Variants in ABLIM1 observed in about 807,000 individuals in gnomAD.
ABLIM1 encodes the protein actin binding LIM protein 1.
Under a neutral mutation model 107.0 loss-of-function variants are expected in ABLIM1, and 40 were observed. That is an observed-to-expected ratio of 0.37 (90% CI 0.29 to 0.49). ABLIM1 has a LOEUF of 0.49. ABLIM1 is among the 20% of genes least tolerant of loss of function. The probability of loss-of-function intolerance (pLI) is 0.97; values close to 1 mark genes in which losing one functional copy is unlikely to be tolerated. For synonymous variants in ABLIM1, 357 were observed against 357.3 expected (o/e 1.00, Z 0.01); for missense variants, 857 against 1,008.5 (o/e 0.85, Z 2.04).
At chr10:114,660,847 A>G (rs2079762337), upstream of ABLIM1, among the ~76,000 whole-genome samples, 2 of 152,226 alleles carry the variant, frequency 1.3e-5, no homozygotes, top group South Asian at 4.1e-4. Context: ...TTGGACAGAA[A>G]AGAGACTATT....
chr10:114,527,597 G>T (rs2064963083), intron 6 of ABLIM1, among the ~76,000 whole-genome samples: 1 of 152,010 alleles, frequency 6.6e-6, no homozygotes, highest in South Asian at 2.1e-4. Context: ...TCCAGTGATG[G>T]CACAGCCCTT....
At chr10:114,657,470 C>T (rs1210396567) in intron 1 of ABLIM1, among the ~76,000 whole-genome samples, 1 of 152,200 alleles carries the variant, frequency 6.6e-6, no homozygotes. Context: ...AACAAGTTCT[C>T]TCAATATTAA....
chr10:114,604,382 C>T (rs191944851), intron 1 of ABLIM1, among the ~76,000 whole-genome samples: 18 of 152,280 alleles, frequency 1.2e-4, no homozygotes, highest in Middle Eastern at 3.4e-3. Flanking sequence ...GTTCAAGTGC[C>T]GTTCTAAAAG....
At chr10:114,548,040 G>C (rs2067588777) in intron 4 of ABLIM1, among the ~76,000 whole-genome samples, 1 of 152,148 alleles carries the variant, frequency 6.6e-6, no homozygotes, top group African/African-American at 2.4e-5. Context: ...TGCTTACTTG[G>C]GGGTTTTTTA....
chr10:114,723,648 C>T (rs1317131392), intron 1 of ABLIM1, among the ~76,000 whole-genome samples: 2 of 152,248 alleles, frequency 1.3e-5, no homozygotes, highest in African/African-American at 4.8e-5. Context: ...GCTTTTGCAG[C>T]CCGCCTGACA....
intron 1 of ABLIM1, among the ~76,000 whole-genome samples, chr10:114,622,247 CT>C (rs71007483): frequency 0.023 from 3,188 of 136,490 alleles, 76 homozygotes; most frequent in African/African-American, 0.069. Context: ...TTTTCTTTTT[CT>C]TTTTTTTTTT....
chr10:114,702,215 T>C (rs1457930552), intron 1 of ABLIM1, among the ~76,000 whole-genome samples: 2 of 152,202 alleles, frequency 1.3e-5, no homozygotes, highest in African/African-American at 4.8e-5. Context: ...ATATTTTCTC[T>C]GTAAATACCA....
intron 1 of ABLIM1, among the ~76,000 whole-genome samples, chr10:114,747,475 A>T (rs2082409055): frequency 6.6e-6 from 1 of 152,194 alleles, no homozygotes; most frequent in Admixed American, 6.5e-5. Context: ...ATCACAAAAA[A>T]GCCCTGAATG....
At chr10:114,676,673 T>C (rs898975110) in intron 1 of ABLIM1, among the ~76,000 whole-genome samples, 2 of 152,120 alleles carry the variant, frequency 1.3e-5, no homozygotes, top group African/African-American at 2.4e-5. Context: ...GCTTAATGAC[T>C]AGGAATGGAG....
intron 1 of ABLIM1, among the ~76,000 whole-genome samples, chr10:114,602,435 A>G (rs554392292): frequency 2.6e-5 from 4 of 152,366 alleles, no homozygotes; most frequent in Admixed American, 2.6e-4. Flanking sequence ...TTCTTGGGAC[A>G]TAGCAGAATG....
chr10:114,500,501 G>A (rs2060244116), intron 6 of ABLIM1, among the ~76,000 whole-genome samples: 1 of 151,896 alleles, frequency 6.6e-6, no homozygotes, highest in African/African-American at 2.4e-5. Flanking sequence ...GCAACATGGA[G>A]AAACCCCATC....
intron 1 of ABLIM1, among the ~76,000 whole-genome samples, chr10:114,737,311 GCAAAA>G (rs940474856): frequency 1.3e-5 from 2 of 152,080 alleles, no homozygotes; most frequent in African/African-American, 4.8e-5. Flanking sequence ...TGTCTCAAAA[GCAAAA>G]CAAAACAAAA....
intron 1 of ABLIM1, among the ~76,000 whole-genome samples, chr10:114,710,411 TGA>T (rs1280847136): frequency 6.6e-6 from 1 of 152,116 alleles, no homozygotes; most frequent in African/African-American, 2.4e-5. Flanking sequence ...CAAGACAGAA[TGA>T]GAGACAAGCA....
At chr10:114,723,218 G>A (rs752035842) in intron 1 of ABLIM1, among the ~76,000 whole-genome samples, 2 of 152,198 alleles carry the variant, frequency 1.3e-5, no homozygotes, top group Non-Finnish European at 2.9e-5. Flanking sequence ...GGAGTACCCA[G>A]GAGAGGCCGA....
intron 1 of ABLIM1, among the ~76,000 whole-genome samples, chr10:114,760,973 C>G (rs1185192326): frequency 6.6e-6 from 1 of 152,144 alleles, no homozygotes; most frequent in African/African-American, 2.4e-5. Context: ...TTCTCCTTTC[C>G]TTGATTTAAT....
rs777350038 is a variant in ABLIM1 at position 114,601,867 on chromosome 10, G to T, written c.339C>A (p.Val113=). ...ACTTGATGTGGAAATGTTTGGTCTG[G>T]ACCCGAAGCACTTCACCCTTGCAAG... The part of the protein sequence containing the change: ...GEPCKGEVLR[V]QTKHFHIKCF... Residue 113 remains valine (V), a synonymous_variant, in exon 2 of 23, where the codon GTC becomes GTA. Coordinates refer to ENST00000533213, the MANE Select transcript of ABLIM1 (RefSeq NM_002313.7). 4.3e-6 allele frequency: 7 copies of T among 1,614,036 alleles called. No individual in the cohort carries two copies. Among genetic ancestry groups the T allele is most frequent in the Non-Finnish European group, 5.9e-6 (7 of 1,180,026 alleles).
chr10:114,621,817 T>A (rs968408504), intron 1 of ABLIM1, among the ~76,000 whole-genome samples: 2 of 152,180 alleles, frequency 1.3e-5, no homozygotes, highest in Non-Finnish European at 2.9e-5. Context: ...CTCAAGAAAA[T>A]TGTAATGTGA....
In ABLIM1 at chr10:114,672,817, T is replaced by C. The variant is rs1332953526; in HGVS notation, c.64+11473A>G. On this transcript the variant is annotated intron_variant, in intron 1 of 23. Coordinates refer to the ABLIM1 transcript ENST00000369256. ...TAAGATAGTGATCAAGGTTCATTTT[T>C]CCCCCACATAGATATCTCGTGCTCC... 3.9e-5 allele frequency among the ~76,000 whole-genome samples: 6 copies of C among 152,268 alleles called. 1 individual carries two copies. The South Asian group carries it at 8.3e-4, about 21-fold the overall frequency.
intron 8 of ABLIM1, among the ~76,000 whole-genome samples, chr10:114,479,652 T>C (rs1440299606): frequency 6.6e-6 from 1 of 152,214 alleles, no homozygotes; most frequent in Non-Finnish European, 1.5e-5. Flanking sequence ...GTGACACACA[T>C]GGATTGCCTG....
Sources: gnomAD v4.1 joint callset for allele counts (sites outside exome capture counted in the v4.1 genomes callset) on GRCh38, gnomAD v4.1.1 for gene constraint, MANE v1.5 for transcripts, NCBI Gene and HGNC (gene_info 2026-07-23, HGNC 2026-07-21) for gene names.